The following HS6ST3 variants were observed in gnomAD, a reference collection of about 807,000 sequenced individuals.
HS6ST3 encodes heparan-sulfate 6-O-sulfotransferase 3.
A neutral mutation model predicts 36.7 loss-of-function variants in HS6ST3; 12 were observed. That is an observed-to-expected ratio of 0.33 (90% confidence interval 0.21 to 0.53). HS6ST3 has a LOEUF of 0.53. HS6ST3 is among the 20% of genes least tolerant of loss of function. The pLI is 0.95. For missense variants in HS6ST3, 584 were observed against 640.9 expected (o/e 0.91, Z 0.96); for synonymous variants, 240 against 257.5 (o/e 0.93, Z 0.65).
chr13:96,243,442 G>A (rs1339196614), intron 1 of HS6ST3, among the ~76,000 whole-genome samples: 1 of 152,112 alleles, frequency 6.6e-6, no homozygotes, highest in Non-Finnish European at 1.5e-5. Flanking sequence ...CCCATTTGTT[G>A]AATTATTTTG....
chr13:96,391,774 T>C (rs1412654737), intron 1 of HS6ST3, among the ~76,000 whole-genome samples: 4 of 152,154 alleles, frequency 2.6e-5, no homozygotes, highest in African/African-American at 4.8e-5. Flanking sequence ...AAGAACAGCA[T>C]GGGAAAGTCC....
chr13:96,583,204 C>CTTTTTTTTTTTTTTTTTTTTT lies in HS6ST3; in HGVS notation c.708-249279_708-249259dup, dbSNP rs71292889. Among the ~76,000 whole-genome samples, 67 of 52,930 alleles carry CTTTTTTTTTTTTTTTTTTTTT rather than the reference C, an allele frequency of 1.3e-3. 15 individuals carry two copies. Among genetic ancestry groups the CTTTTTTTTTTTTTTTTTTTTT allele is most frequent in the East Asian group, 4.1e-3 (6 of 1,460 alleles). 34.7% of individuals were successfully genotyped at this position (52,930 alleles called of 152,430 possible). On this transcript the variant is annotated intron_variant, in intron 1 of 1. Coordinates refer to ENST00000376705, the MANE Select transcript of HS6ST3 (RefSeq NM_153456.4). ...AATGGCTTCAATTTCTTTTTCTTTT[C>CTTTTTTTTTTTTTTTTTTTTT]TTTTTTTTTTTTTTTTTTTTTTTTT...
chr13:96,794,082 G>C (rs530048124), intron 1 of HS6ST3, among the ~76,000 whole-genome samples: 1 of 152,158 alleles, frequency 6.6e-6, no homozygotes, highest in South Asian at 2.1e-4. Context: ...ATTTTGGCAT[G>C]TATATACCTG....
chr13:96,174,662 C>A (rs1204672651), intron 1 of HS6ST3, among the ~76,000 whole-genome samples: 1 of 152,056 alleles, frequency 6.6e-6, no homozygotes, highest in Admixed American at 6.5e-5. Flanking sequence ...TATTTAAATT[C>A]TTTTCTAAAC....
intron 1 of HS6ST3, among the ~76,000 whole-genome samples, chr13:96,635,203 G>T (rs1158650147): frequency 6.6e-6 from 1 of 151,978 alleles, no homozygotes; most frequent in African/African-American, 2.4e-5. Flanking sequence ...TAAAAACACA[G>T]ATATGAGTCT....
intron 1 of HS6ST3, among the ~76,000 whole-genome samples, chr13:96,703,255 G>T (rs773190383): frequency 6.6e-6 from 1 of 152,138 alleles, no homozygotes; most frequent in African/African-American, 2.4e-5. Flanking sequence ...ATCTATTGAC[G>T]TCGGCATTGC....
At chr13:96,520,124 C>T (rs1380198948) in intron 1 of HS6ST3, among the ~76,000 whole-genome samples, 1 of 152,142 alleles carries the variant, frequency 6.6e-6, no homozygotes, top group Non-Finnish European at 1.5e-5. Context: ...GAATCTTTTC[C>T]CCATTGCTTG....
intron 1 of HS6ST3, among the ~76,000 whole-genome samples, chr13:96,735,320 G>A (rs1480613463): frequency 6.6e-6 from 1 of 152,102 alleles, no homozygotes; most frequent in African/African-American, 2.4e-5. Flanking sequence ...GGGATTCTGG[G>A]AGGGGGATAT....
chr13:96,630,715 C>A (rs2056529139), intron 1 of HS6ST3, among the ~76,000 whole-genome samples: 1 of 152,090 alleles, frequency 6.6e-6, no homozygotes, highest in Non-Finnish European at 1.5e-5. Flanking sequence ...GCTGGCTTGC[C>A]TTTCTGGAGT....
intron 1 of HS6ST3, among the ~76,000 whole-genome samples, chr13:96,357,990 T>C (rs2055218448): frequency 6.6e-6 from 1 of 152,170 alleles, no homozygotes; most frequent in Non-Finnish European, 1.5e-5. Context: ...GAGCAGGTGC[T>C]GTTACAAAAA....
chr13:96,500,589 C>A (rs1006114884), intron 1 of HS6ST3, among the ~76,000 whole-genome samples: 3 of 152,082 alleles, frequency 2.0e-5, no homozygotes, highest in Non-Finnish European at 4.4e-5. Context: ...GGATAAACTG[C>A]TTTTGACCTA....
intron 1 of HS6ST3, among the ~76,000 whole-genome samples, chr13:96,512,313 C>T (rs1224763894): frequency 3.3e-5 from 5 of 152,164 alleles, no homozygotes; most frequent in Non-Finnish European, 7.3e-5. Context: ...AAAAATACCT[C>T]TTAGGGCAAG....
chr13:96,525,547 CACACACACACACACGCAA>C (rs991512424), intron 1 of HS6ST3, among the ~76,000 whole-genome samples: 2 of 150,944 alleles, frequency 1.3e-5, no homozygotes, highest in African/African-American at 4.8e-5. Context: ...TTTAGTGTTA[CACACACACACACACGCAA>C]ACACACACAC....
In HS6ST3 at chr13:96,231,034, C is replaced by T. The variant is rs1594724523; in HGVS notation, c.707+139465C>T. Among the ~76,000 whole-genome samples, 5 of 151,956 alleles carry T rather than the reference C, an allele frequency of 3.3e-5. No homozygotes were observed. The South Asian group carries it at 8.3e-4, about 25-fold the overall frequency. On this transcript the variant is annotated intron_variant, in intron 1 of 1. Transcript: ENST00000376705. ...TATGGGAGGTGGTAAGACCACCTAC[C>T]CTGGGTAAGGTGGAAAGAGAGGTAT...
intron 1 of HS6ST3, among the ~76,000 whole-genome samples, chr13:96,273,583 T>G (rs1214306862): frequency 6.6e-6 from 1 of 151,980 alleles, no homozygotes; most frequent in Non-Finnish European, 1.5e-5. Flanking sequence ...CTACTGAGGC[T>G]TGGAGTTGTT....
intron 1 of HS6ST3, among the ~76,000 whole-genome samples, chr13:96,750,745 G>A (rs767694105): frequency 2.6e-5 from 4 of 152,268 alleles, no homozygotes; most frequent in Middle Eastern, 3.4e-3. Context: ...GGTAGGAGAC[G>A]AGCCATGATG....
chr13:96,823,950 A>G (rs1192319310), intron 1 of HS6ST3, among the ~76,000 whole-genome samples: 1 of 152,128 alleles, frequency 6.6e-6, no homozygotes, highest in Non-Finnish European at 1.5e-5. Context: ...TGCAGTTCCC[A>G]CATTTTCCAT....
intron 1 of HS6ST3, among the ~76,000 whole-genome samples, chr13:96,498,814 T>C (rs998378156): frequency 6.6e-6 from 1 of 152,178 alleles, no homozygotes; most frequent in African/African-American, 2.4e-5. Context: ...TTGGTTTGTT[T>C]GGTTTGAGCT....
intron 1 of HS6ST3, among the ~76,000 whole-genome samples, chr13:96,770,606 G>GA (rs952606976): frequency 6.6e-6 from 1 of 151,916 alleles, no homozygotes; most frequent in Non-Finnish European, 1.5e-5. Flanking sequence ...GGATATTGGG[G>GA]AAAAAAAACT....
Sources: gnomAD v4.1 joint callset for allele counts (sites outside exome capture counted in the v4.1 genomes callset) on GRCh38, gnomAD v4.1.1 for gene constraint, MANE v1.5 for transcripts, NCBI Gene and HGNC (gene_info 2026-07-23, HGNC 2026-07-21) for gene names.